ANKRD36B: variants seen among roughly 807,000 people sequenced by gnomAD.
ANKRD36B encodes ankyrin repeat domain 36B.
In ANKRD36B, 37 loss-of-function variants were observed where a neutral mutation model predicts 135.7. That is an observed-to-expected ratio of 0.27 (90% confidence interval 0.21 to 0.36). The LOEUF (loss-of-function observed/expected upper bound fraction) is 0.36. ANKRD36B is among the 10% of genes least tolerant of loss of function. The pLI, the probability that ANKRD36B is intolerant of heterozygous loss-of-function variation, is 1.00. For missense variants in ANKRD36B, 549 were observed against 1,037.1 expected (o/e 0.53, Z 6.46); for synonymous variants, 179 against 348.1 (o/e 0.51, Z 5.41).
At position 97,540,861 on chromosome 2, in the gene ANKRD36B, T is replaced by G. The variant is rs1451760952; in HGVS notation, c.1886-632A>C. Among the ~76,000 whole-genome samples, 9 of 96,516 alleles carry G rather than the reference T, an allele frequency of 9.3e-5. 4 individuals carry two copies. The highest frequency in any genetic ancestry group is 2.2e-4 in the Non-Finnish European group (8 of 36,264). 63.3% of individuals were successfully genotyped at this position (96,516 alleles called of 152,430 possible). On this transcript the variant is annotated intron_variant, in intron 28 of 43. Coordinates refer to ENST00000359901, the MANE Select transcript of ANKRD36B (RefSeq NM_001393939.1). ...AGTTTCTTGTATCCACTCGTTTAGCTTTCCAAAAGTTTCTTCATCCATTCA... is the reference window on the plus strand; with the variant it reads ...AGTTTCTTGTATCCACTCGTTTAGCGTTCCAAAAGTTTCTTCATCCATTCA...
intron 6 of ANKRD36B, among the ~76,000 whole-genome samples, chr2:97,573,417 T>C (rs2082017228): frequency 6.6e-6 from 1 of 152,166 alleles, no homozygotes; most frequent in Non-Finnish European, 1.5e-5. Flanking sequence ...GAACATTCCA[T>C]GCTCATGGAT....
rs781100754 is a variant in ANKRD36B at position 97,560,621 on chromosome 2, C to T, written c.865+44G>A. ...TTATTTGGGGAAGGGAATTTCTCTTCTATCTTGATTGAACATGACATTAGA... is the reference window on the plus strand; with the variant it reads ...TTATTTGGGGAAGGGAATTTCTCTTTTATCTTGATTGAACATGACATTAGA... On this transcript the variant is annotated intron_variant, in intron 8 of 43. Transcript: ENST00000359901. 7 of 1,596,210 alleles carry T rather than the reference C, an allele frequency of 4.4e-6. No individual in the cohort carries two copies. The African/African-American group carries it at 9.4e-5, about 21-fold the overall frequency.
Position 97,544,873 on chromosome 2 carries a change from T to C in ANKRD36B, c.1681+793A>G, listed in dbSNP as rs1454078261. Among the ~76,000 whole-genome samples, 9 of 96,568 alleles carry C rather than the reference T, an allele frequency of 9.3e-5. 4 individuals carry two copies. The highest frequency in any genetic ancestry group is 2.2e-4 in the Non-Finnish European group (8 of 36,002). 63.4% of individuals were successfully genotyped at this position (96,568 alleles called of 152,430 possible). On this transcript the variant is annotated intron_variant, in intron 24 of 43. Transcript: ENST00000359901. The stretch of plus-strand genomic sequence containing the variant: ...CATGCTATTCTCTAAAGAAGTTTCA[T>C]TCAATAGCTATTTTATCCAAGACTT...
rs752232365 is a variant in ANKRD36B at position 97,545,674 on chromosome 2, G to C, written c.1673C>G (p.Ser558Cys). Reference sequence around the variant, plus strand: ...TGTGTTTGCAAAATTACCTGTCCCAGATATTTGTTCATCCTTTGTTTCTGT... The same window carrying C: ...TGTGTTTGCAAAATTACCTGTCCCACATATTTGTTCATCCTTTGTTTCTGT... ...MATETKDEQI[S>C]GTVSCQKQPA... Residue 558 changes from serine to cysteine, a missense_variant, in exon 24 of 44, where the codon TCT becomes TGT. Transcript: ENST00000359901. The C allele has an allele frequency of 2.1e-6, 2 of 965,996 alleles. 1 individual carries two copies. The highest frequency in any genetic ancestry group is 3.1e-6 in the Non-Finnish European group (2 of 639,088). The allele number at this position is 965,996 out of a possible 1,614,324, so 59.8% of individuals were successfully genotyped here.
At position 97,514,965 on chromosome 2, in the gene ANKRD36B, G is replaced by A. The variant is rs1177192862; in HGVS notation, c.2621+767C>T. The stretch of plus-strand genomic sequence containing the variant: ...TATCACTGGGCTGGAGTGCACTGGT[G>A]CAATCTCTGCTCACTGCAACCTCTG... On this transcript the variant is annotated intron_variant, in intron 37 of 43. Transcript: ENST00000359901. Among the ~76,000 whole-genome samples the A allele has an allele frequency of 5.1e-5, 4 of 77,978 alleles. 2 individuals carry two copies. Among genetic ancestry groups the A allele is most frequent in the African/African-American group, 1.6e-4 (4 of 24,608 alleles). 51.2% of individuals were successfully genotyped at this position (77,978 alleles called of 152,430 possible).
intron 32 of ANKRD36B, among the ~76,000 whole-genome samples, chr2:97,537,882 C>A (rs182837857): frequency 0.046 from 4,403 of 95,582 alleles, 1,225 homozygotes; most frequent in African/African-American, 0.13. Flanking sequence ...GAAATAAGAG[C>A]AAAATTATGC....
intron 10 of ANKRD36B, among the ~76,000 whole-genome samples, chr2:97,557,487 C>T (rs2080637782): frequency 6.6e-6 from 1 of 151,810 alleles, no homozygotes; most frequent in Admixed American, 6.6e-5. Flanking sequence ...AAAGAAGGTA[C>T]TAAATGCTAC....
intron 8 of ANKRD36B, 74 bp from the exon 9 acceptor site, chr2:97,559,068 T>C: frequency 2.5e-6 from 4 of 1,592,424 alleles, no homozygotes. Context: ...CATGCAGTGT[T>C]AGCATCAAGC....
At chr2:97,516,202 A>C (rs1349147698) in intron 36 of ANKRD36B, among the ~76,000 whole-genome samples, 1 of 63,816 alleles carries the variant, frequency 1.6e-5, no homozygotes, top group African/African-American at 4.6e-5. Flanking sequence ...TAAAAAAAAA[A>C]AAAAAAAAAA....
At chr2:97,555,337 C>T in intron 12 of ANKRD36B, 83 bp from the exon 13 acceptor site, 2 of 1,577,606 alleles carry the variant, frequency 1.3e-6, no homozygotes, top group Non-Finnish European at 8.7e-7. Flanking sequence ...TAGCATCAAG[C>T]TGTATCTTCC....
Position 97,589,668 on chromosome 2 carries a change from C to G in ANKRD36B, c.18G>C (p.Ser6=), listed in dbSNP as rs768352194. 5 of 1,614,080 alleles carry G rather than the reference C, an allele frequency of 3.1e-6. No homozygotes were observed. In the East Asian group the frequency reaches 8.9e-5, roughly 29 times the overall value. ...AGTAATGGGGAAATGCGAAGCCATC[C>G]GAGCACAAGCGCTCCATGAGGGTGG... MERLC[S]DGFAFPHYYI... is the part of the protein sequence containing the mutation. Residue 6 remains serine (S), a synonymous_variant, in exon 1 of 44, where the codon TCG becomes TCC. Coordinates refer to ENST00000359901, the MANE Select transcript of ANKRD36B (RefSeq NM_001393939.1).
Position 97,512,914 on chromosome 2 carries a change from GA to G in ANKRD36B, c.2805+265del, listed in dbSNP as rs1360350780. Among the ~76,000 whole-genome samples, 10 of 116,616 alleles carry G rather than the reference GA, an allele frequency of 8.6e-5. 2 individuals are homozygous for G. In the East Asian group the frequency reaches 2.1e-3, roughly 24 times the overall value. The allele number at this position is 116,616 out of a possible 152,430, so 76.5% of individuals were successfully genotyped here. On this transcript the variant is annotated intron_variant, in intron 38 of 43. Transcript: ENST00000359901. ...TAACATGAAATAGGGGAAATATGCT[GA>G]ACTATGTCACTAGGAACAAAATACT...
chr2:97,559,098 T>C lies in ANKRD36B; in HGVS notation c.866-104A>G, dbSNP rs547513415. 3.5e-5 allele frequency: 52 copies of C among 1,477,102 alleles called. 1 individual carries two copies. The South Asian group carries it at 5.3e-4, about 15-fold the overall frequency. 91.5% of individuals were successfully genotyped at this position (1,477,102 alleles called of 1,614,324 possible). A position where few individuals can be genotyped will look rare whatever the true frequency, so the allele number is the denominator to read the frequency against. On this transcript the variant is annotated intron_variant, in intron 8 of 43. Transcript: ENST00000359901. ...TCAAGCTGTATCTTCCTGCCTGTACTAGTGTAGGCTTTGATGTTTTCTACT... is the reference window on the plus strand; with the variant it reads ...TCAAGCTGTATCTTCCTGCCTGTACCAGTGTAGGCTTTGATGTTTTCTACT...
intron 16 of ANKRD36B, among the ~76,000 whole-genome samples, chr2:97,551,931 G>A (rs1189668551): frequency 6.6e-6 from 1 of 151,880 alleles, no homozygotes; most frequent in Non-Finnish European, 1.5e-5. Flanking sequence ...CAATATCTAA[G>A]AAAGCACACA....
At chr2:97,493,954 C>G (rs1035819892) in intron 43 of ANKRD36B, among the ~76,000 whole-genome samples, 3 of 103,194 alleles carry the variant, frequency 2.9e-5, no homozygotes, top group African/African-American at 8.1e-5. Context: ...AAGTTGTATT[C>G]TATGTACCTC....
intron 14 of ANKRD36B, 81 bp downstream of exon 14, chr2:97,554,979 C>G (rs1023259474): frequency 1.5e-5 from 22 of 1,503,314 alleles, no homozygotes; most frequent in African/African-American, 2.8e-5. Flanking sequence ...TTTGATGAGC[C>G]CCCCCACTGA....
At chr2:97,588,279 A>G (rs1034914231) in intron 1 of ANKRD36B, among the ~76,000 whole-genome samples, 1 of 151,956 alleles carries the variant, frequency 6.6e-6, no homozygotes, top group Admixed American at 6.5e-5. Flanking sequence ...ATCTTTTCCT[A>G]CTAATATGAA....
At chr2:97,571,839 G>C (rs1287565663) in intron 6 of ANKRD36B, among the ~76,000 whole-genome samples, 4 of 152,070 alleles carry the variant, frequency 2.6e-5, no homozygotes, top group Non-Finnish European at 5.9e-5. Context: ...AAAATCATCT[G>C]TTAAGGGCCG....
At chr2:97,555,443 A>G (rs1197712444) in intron 12 of ANKRD36B, among the ~76,000 whole-genome samples, 189 bp from the exon 13 acceptor site, 1 of 151,922 alleles carries the variant, frequency 6.6e-6, no homozygotes, top group Non-Finnish European at 1.5e-5. Context: ...CACAAAACAA[A>G]CCCTTACAAT....
Sources: allele counts gnomAD v4.1 joint callset (sites outside exome capture counted in the v4.1 genomes callset), GRCh38; gene constraint gnomAD v4.1.1; transcripts MANE v1.5; gene names NCBI Gene and HGNC (gene_info 2026-07-23, HGNC 2026-07-21).